The following ANKRD17 variants were observed in gnomAD, a reference collection of about 807,000 sequenced individuals.
ANKRD17 encodes ankyrin repeat domain-containing protein 17.
ANKRD17 carries 19 observed loss-of-function variants against 229.7 expected under a neutral mutation model. The observed-to-expected ratio is 0.08, with a 90% CI of 0.06 to 0.12. The LOEUF (loss-of-function observed/expected upper bound fraction) is 0.12. Among genes scored for constraint, ANKRD17 ranks in the 10% least tolerant of loss-of-function variants. ANKRD17 has a pLI of 1.00. For synonymous variants in ANKRD17, 1,112 were observed against 1,146.1 expected, an observed-to-expected ratio of 0.97 and a Z score of 0.60; for missense variants, 2,176 against 3,176.8, an observed-to-expected ratio of 0.68 and a Z score of 7.57.
At chr4:73,171,484 T>C (rs1050701096) in intron 2 of ANKRD17, among the ~76,000 whole-genome samples, 12 of 152,032 alleles carry the variant, frequency 7.9e-5, no homozygotes, top group African/African-American at 2.9e-4. Context: ...CTATAATAAA[T>C]ACCTAATTCT....
intron 1 of ANKRD17, among the ~76,000 whole-genome samples, chr4:73,251,478 G>A (rs978328775): frequency 1.3e-5 from 2 of 152,040 alleles, no homozygotes; most frequent in Non-Finnish European, 2.9e-5. Context: ...GGGACTAGAA[G>A]GGTATTCGTA....
intron 1 of ANKRD17, among the ~76,000 whole-genome samples, chr4:73,229,130 T>C (rs1742801766): frequency 6.6e-6 from 1 of 151,766 alleles, no homozygotes; most frequent in South Asian, 2.1e-4. Flanking sequence ...CCAGGGCCTG[T>C]TGTGGGGTAG....
At chr4:73,191,337 A>ATGTGTGTG (rs1349894740) in intron 1 of ANKRD17, among the ~76,000 whole-genome samples, 94 of 61,928 alleles carry the variant, frequency 1.5e-3, no homozygotes, top group African/African-American at 5.8e-3. Flanking sequence ...ACCAAAAAAT[A>ATGTGTGTG]TATATGTGTG....
At chr4:73,246,782 A>G (rs1160878567) in intron 1 of ANKRD17, among the ~76,000 whole-genome samples, 1 of 152,182 alleles carries the variant, frequency 6.6e-6, no homozygotes, top group Non-Finnish European at 1.5e-5. Context: ...TGAGGAAGAG[A>G]GGATTACATT....
Position 73,098,026 on chromosome 4 carries a change from AT to A in ANKRD17, c.5021+46del, listed in dbSNP as rs1297210968. 12 of 1,501,140 alleles carry A rather than the reference AT, an allele frequency of 8.0e-6. No individual in the cohort carries two copies. The Admixed American group carries it at 1.5e-4, about 19-fold the overall frequency. The allele number at this position is 1,501,140 out of a possible 1,614,324, so 93.0% of individuals were successfully genotyped here. A position where few individuals can be genotyped will look rare whatever the true frequency, so the allele number is the denominator to read the frequency against. ...TTACCAACAAATTCAGTAATAAGGTATTTCATGATGACACTATAAATATTGA... is the reference window on the plus strand; with the variant it reads ...TTACCAACAAATTCAGTAATAAGGTATTCATGATGACACTATAAATATTGA... On this transcript the variant is annotated intron_variant, in intron 26 of 33. Coordinates refer to ENST00000358602, the MANE Select transcript of ANKRD17 (RefSeq NM_032217.5).
At chr4:73,256,816 T>C (rs1182929873) in intron 1 of ANKRD17, among the ~76,000 whole-genome samples, 1 of 152,346 alleles carries the variant, frequency 6.6e-6, no homozygotes, top group East Asian at 1.9e-4. Flanking sequence ...AATACAAACC[T>C]ATTCTCAGAA....
At position 73,121,033 on chromosome 4, in the gene ANKRD17, C is replaced by A. The variant is rs1387490535; in HGVS notation, c.3697G>T (p.Ala1233Ser). 3.1e-6 allele frequency: 5 copies of A among 1,613,874 alleles called. No individual in the cohort carries two copies. Among genetic ancestry groups the A allele is most frequent in the Non-Finnish European group, 3.4e-6 (4 of 1,179,878 alleles). ...CCCATGTCTAACAGGAGCTTAACAG[C>A]AGCTGTATGCCCATTCATAGCTGCT... ...MLAAMNGHTA[A>S]VKLLLDMGSD... Residue 1233 changes from alanine (A) to serine (S), a missense_variant, in exon 20 of 34, where the codon GCT becomes TCT. This residue lies in a region of ANKRD17 where 178 missense variants were observed against 421.7 expected (regional missense o/e 0.42). Coordinates refer to ENST00000358602, the MANE Select transcript of ANKRD17 (RefSeq NM_032217.5).
chr4:73,096,339 A>G (rs1041016629), intron 27 of ANKRD17, among the ~76,000 whole-genome samples: 2 of 152,184 alleles, frequency 1.3e-5, no homozygotes, highest in African/African-American at 4.8e-5. Context: ...AATCCAATAG[A>G]GTGTGTATGT....
intron 30 of ANKRD17, among the ~76,000 whole-genome samples, chr4:73,082,114 C>T (rs1194208635): frequency 1.4e-5 from 2 of 142,680 alleles, no homozygotes; most frequent in Non-Finnish European, 3.0e-5. Context: ...TGTGCCACTA[C>T]ATTCCAGCCT....
At chr4:73,083,774 T>C (rs1312929890) in intron 30 of ANKRD17, among the ~76,000 whole-genome samples, 1 of 152,168 alleles carries the variant, frequency 6.6e-6, no homozygotes, top group Non-Finnish European at 1.5e-5. Flanking sequence ...TATGAATATA[T>C]AAATTCATTG....
chr4:73,162,248 C>G (rs1578234433), intron 2 of ANKRD17, among the ~76,000 whole-genome samples: 2 of 152,116 alleles, frequency 1.3e-5, no homozygotes, highest in East Asian at 3.9e-4. Flanking sequence ...CAGGGTCCCA[C>G]TACATTGCCC....
At chr4:73,247,839 A>G (rs1744635617) in intron 1 of ANKRD17, among the ~76,000 whole-genome samples, 1 of 152,012 alleles carries the variant, frequency 6.6e-6, no homozygotes, top group African/African-American at 2.4e-5. Context: ...ATTTCACTAC[A>G]ACATAACAAG....
At chr4:73,092,983 A>C (rs1722929919) in intron 28 of ANKRD17, among the ~76,000 whole-genome samples, 1 of 152,170 alleles carries the variant, frequency 6.6e-6, no homozygotes, top group Admixed American at 6.5e-5. Context: ...AGCAATTACC[A>C]ATAAAGGGTA....
chr4:73,258,452 T>G lies in ANKRD17; in HGVS notation c.217A>C (p.Lys73Gln). 5.0e-6 allele frequency: 8 copies of G among 1,608,136 alleles called. No homozygotes were observed. Among genetic ancestry groups the G allele is most frequent in the Non-Finnish European group, 6.8e-6 (8 of 1,178,374 alleles). ...KKKPPQQQHHKAKRNRTCRPP... is the reference protein window; with the variant it reads ...KKKPPQQQHHQAKRNRTCRPP... ...CGGCAAGTCCGGTTACGCTTGGCCTTGTGGTGCTGCTGCTGCGGCGGCTTC... is the reference window on the plus strand; with the variant it reads ...CGGCAAGTCCGGTTACGCTTGGCCTGGTGGTGCTGCTGCTGCGGCGGCTTC... Residue 73 changes from lysine (K) to glutamine (Q), a missense_variant, in exon 1 of 34, where the codon AAG becomes CAG. Transcript: ENST00000358602.
chr4:73,154,031 C>G lies in ANKRD17; in HGVS notation c.1083G>C (p.Glu361Asp). 1 of 1,612,974 alleles carries G rather than the reference C, an allele frequency of 6.2e-7. No individual in the cohort carries two copies. The highest frequency in any genetic ancestry group is 8.5e-7 in the Non-Finnish European group (1 of 1,179,534). Residue 361 changes from glutamate (E) to aspartate (D), a missense_variant, in exon 6 of 34, where the codon GAG (glutamate) becomes GAC (aspartate). Physicochemically the swap from Glu to Asp is conservative, Grantham distance 45 (BLOSUM62 2). This residue lies in a region of ANKRD17 where 184 missense variants were observed against 357.8 expected (regional missense o/e 0.51). Transcript: ENST00000358602. ...KVLLESGASIEDHNENGHTPL... is the reference protein window; with the variant it reads ...KVLLESGASIDDHNENGHTPL... Reference sequence around the variant, plus strand: ...GGGTATGACCATTTTCATTATGGTCCTCAATACTAGCACCGGATTCCAAGA... The same window carrying G: ...GGGTATGACCATTTTCATTATGGTCGTCAATACTAGCACCGGATTCCAAGA...
rs758241895 is a variant in ANKRD17 at position 73,256,021 on chromosome 4, C to T, written c.393+2255G>A. 4.6e-5 allele frequency among the ~76,000 whole-genome samples: 7 copies of T among 152,300 alleles called. No individual in the cohort carries two copies. In the South Asian group the frequency reaches 6.2e-4, roughly 14 times the overall value. On this transcript the variant is annotated intron_variant, in intron 1 of 33. Coordinates refer to ENST00000358602, the MANE Select transcript of ANKRD17 (RefSeq NM_032217.5). The stretch of plus-strand genomic sequence containing the variant: ...GATTACAGGCGTGAGCTACCACGCC[C>T]GGCCAATGGGCACACTTTCTTACAC...
chr4:73,158,719 A>G (rs530552763), intron 3 of ANKRD17, among the ~76,000 whole-genome samples: 22 of 152,382 alleles, frequency 1.4e-4, no homozygotes, highest in Admixed American at 4.6e-4. Context: ...TAATCCATTC[A>G]TGAATTAATG....
intron 29 of ANKRD17, among the ~76,000 whole-genome samples, chr4:73,088,603 G>A (rs900319528): frequency 4.6e-5 from 7 of 151,948 alleles, no homozygotes; most frequent in African/African-American, 1.7e-4. Context: ...CCTACGCACT[G>A]GCACATAATG....
chr4:73,257,541 T>C (rs1185789326), intron 1 of ANKRD17, among the ~76,000 whole-genome samples: 1 of 152,222 alleles, frequency 6.6e-6, no homozygotes, highest in Non-Finnish European at 1.5e-5. Context: ...AAGGCATGTA[T>C]GTATGTACGT....
Sources: gnomAD v4.1 joint callset for allele counts (sites outside exome capture counted in the v4.1 genomes callset) on GRCh38, gnomAD v4.1.1 for gene constraint, gnomAD v4.1.1 regional missense constraint, MANE v1.5 for transcripts, NCBI Gene and HGNC (gene_info 2026-07-23, HGNC 2026-07-21) for gene names.